Variants in DPY19L2 observed in about 807,000 individuals in gnomAD.
The protein encoded by DPY19L2 is dpy-19 like 2.
In DPY19L2, 34 loss-of-function variants were observed where a neutral mutation model predicts 97.9. The observed-to-expected ratio is 0.35, with a 90% CI of 0.26 to 0.46. The LOEUF (loss-of-function observed/expected upper bound fraction) is 0.46, where lower values mean the gene tolerates loss of function less well. Among genes scored for constraint, DPY19L2 ranks in the 20% least tolerant of loss-of-function variants. The pLI is 1.00. For missense variants in DPY19L2, 623 were observed against 911.4 expected (o/e 0.68, Z 4.07); for synonymous variants, 230 against 307.9 (o/e 0.75, Z 2.65).
intron 6 of DPY19L2, among the ~76,000 whole-genome samples, chr12:63,632,346 T>TC (rs1278413602): frequency 6.6e-6 from 1 of 152,200 alleles, no homozygotes; most frequent in African/African-American, 2.4e-5. Context: ...CTCCTTAAGC[T>TC]GATAGGCAAC....
intron 1 of DPY19L2, 113 bp downstream of exon 1, chr12:63,667,944 C>G (rs1405953231): frequency 7.1e-6 from 9 of 1,271,052 alleles, no homozygotes; most frequent in Non-Finnish European, 8.7e-6. Context: ...TCGGACCTTG[C>G]TATTATTTCC....
chr12:63,604,750 G>A (rs1481787232), intron 12 of DPY19L2, among the ~76,000 whole-genome samples: 1 of 151,966 alleles, frequency 6.6e-6, no homozygotes, highest in African/African-American at 2.4e-5. Context: ...TGCTTCCAGA[G>A]TAATTAAAAC....
At chr12:63,645,259 T>C (rs1334276617) in intron 5 of DPY19L2, among the ~76,000 whole-genome samples, 3 of 152,200 alleles carry the variant, frequency 2.0e-5, no homozygotes, top group African/African-American at 7.2e-5. Flanking sequence ...AGCCAAGGTC[T>C]GAAGGCTGGC....
intron 21 of DPY19L2, among the ~76,000 whole-genome samples, chr12:63,566,323 C>T (rs1877691958): frequency 6.6e-6 from 1 of 152,132 alleles, no homozygotes; most frequent in South Asian, 2.1e-4. Flanking sequence ...CAGTGTCCTC[C>T]ACCATGGTAA....
intron 11 of DPY19L2, among the ~76,000 whole-genome samples, chr12:63,611,494 G>C (rs574208647): frequency 1.3e-5 from 2 of 151,798 alleles, no homozygotes; most frequent in South Asian, 2.1e-4. Flanking sequence ...GACAGAATTA[G>C]CAGGTGGAAG....
At chr12:63,626,150 C>T (rs1889502702) in intron 7 of DPY19L2, among the ~76,000 whole-genome samples, 1 of 151,120 alleles carries the variant, frequency 6.6e-6, no homozygotes, top group Non-Finnish European at 1.5e-5. Context: ...CCACCACCCA[C>T]AAAAAAAGTT....
chr12:63,588,802 G>A (rs550347083), intron 16 of DPY19L2, among the ~76,000 whole-genome samples: 4 of 142,008 alleles, frequency 2.8e-5, no homozygotes, highest in African/African-American at 7.8e-5. Flanking sequence ...CGCCCAGGCT[G>A]GAGTGCGGTG....
intron 16 of DPY19L2, among the ~76,000 whole-genome samples, chr12:63,584,636 A>T (rs1368232181): frequency 6.6e-6 from 1 of 152,114 alleles, no homozygotes; most frequent in East Asian, 1.9e-4. Flanking sequence ...CCGGCCTGTT[A>T]GTCATGTAGT....
intron 6 of DPY19L2, among the ~76,000 whole-genome samples, chr12:63,629,165 T>C (rs1225454320): frequency 6.6e-6 from 1 of 152,006 alleles, no homozygotes; most frequent in East Asian, 1.9e-4. Context: ...GTGCCTCTCC[T>C]CCTCCAAAGG....
intron 15 of DPY19L2, among the ~76,000 whole-genome samples, chr12:63,595,007 C>T (rs144846538): frequency 1.4e-4 from 22 of 152,254 alleles, no homozygotes; most frequent in Non-Finnish European, 2.9e-4. Context: ...TTCCTTTATC[C>T]TGACTCTTCC....
At chr12:63,615,173 T>C (rs1230512375) in intron 11 of DPY19L2, among the ~76,000 whole-genome samples, 1 of 152,162 alleles carries the variant, frequency 6.6e-6, no homozygotes, top group Non-Finnish European at 1.5e-5. Context: ...TAAATCCCTA[T>C]GTTCCTAATG....
intron 16 of DPY19L2, among the ~76,000 whole-genome samples, chr12:63,589,436 A>G (rs1882497974): frequency 6.6e-6 from 1 of 150,452 alleles, no homozygotes; most frequent in Non-Finnish European, 1.5e-5. Flanking sequence ...TATAAGAGAC[A>G]ATCTAAAACA....
Position 63,618,349 on chromosome 12 carries a change from T to C in DPY19L2, c.1054-121A>G, listed in dbSNP as rs567089494. 1.3e-3 allele frequency: 472 copies of C among 364,732 alleles called. 1 individual carries two copies. Among genetic ancestry groups the C allele is most frequent in the Non-Finnish European group, 2.0e-3 (398 of 203,092 alleles). The allele number at this position is 364,732 out of a possible 1,614,324, so 22.6% of individuals were successfully genotyped here. A position where few individuals can be genotyped will look rare whatever the true frequency, so the allele number is the denominator to read the frequency against. ...TCTAATAATGGTAAGCAAAGGAATTTGAACCAACCTTCCCACTAAGAACTA... is the reference window on the plus strand; with the variant it reads ...TCTAATAATGGTAAGCAAAGGAATTCGAACCAACCTTCCCACTAAGAACTA... On this transcript the variant is annotated intron_variant, in intron 9 of 21. Transcript: ENST00000324472.
At position 63,589,357 on chromosome 12, in the gene DPY19L2, C is replaced by CAA. The variant is rs71086687; in HGVS notation, c.1580+4728_1580+4729dup. ...AATGTGGCTAGATAAAAATGTGTTGCAAAAAAAAAAAAAAAAAAAAAAAAA... is the reference window on the plus strand; with the variant it reads ...AATGTGGCTAGATAAAAATGTGTTGCAAAAAAAAAAAAAAAAAAAAAAAAAAA... On this transcript the variant is annotated intron_variant, in intron 16 of 21. Coordinates refer to ENST00000324472, the MANE Select transcript of DPY19L2 (RefSeq NM_173812.5). Among the ~76,000 whole-genome samples the CAA allele has an allele frequency of 4.0e-3, 75 of 18,950 alleles. 9 individuals are homozygous for CAA. The highest frequency in any genetic ancestry group is 6.5e-3 in the East Asian group (1 of 154). 12.4% of individuals were successfully genotyped at this position (18,950 alleles called of 152,430 possible). A position where few individuals can be genotyped will look rare whatever the true frequency, so the allele number is the denominator to read the frequency against.
At chr12:63,593,555 C>T (rs1428974038) in intron 16 of DPY19L2, among the ~76,000 whole-genome samples, 22 of 152,176 alleles carry the variant, frequency 1.4e-4, no homozygotes, top group Middle Eastern at 3.4e-3. Flanking sequence ...AAACCAAACA[C>T]CGCATATTCT....
rs531522077 is a variant in DPY19L2 at position 63,594,185 on chromosome 12, T to C, written c.1534-52A>G. On this transcript the variant is annotated intron_variant, in intron 15 of 21. Transcript: ENST00000324472. Reference sequence around the variant, plus strand: ...CTTTTGTAAGGAATACTGCAATATTTAAAATGCTCTGATTCATTAATATAA... The same window carrying C: ...CTTTTGTAAGGAATACTGCAATATTCAAAATGCTCTGATTCATTAATATAA... The C allele has an allele frequency of 1.1e-5, 14 of 1,278,678 alleles. No individual in the cohort carries two copies. The African/African-American group carries it at 1.5e-4, about 14-fold the overall frequency. The allele number at this position is 1,278,678 out of a possible 1,614,324, so 79.2% of individuals were successfully genotyped here.
intron 16 of DPY19L2, among the ~76,000 whole-genome samples, chr12:63,592,993 A>T (rs1324822744): frequency 6.6e-6 from 1 of 151,526 alleles, no homozygotes; most frequent in Admixed American, 6.6e-5. Flanking sequence ...ATGAACAGAC[A>T]CTTCTCAAAA....
At chr12:63,610,473 A>G (rs1490932371) in intron 11 of DPY19L2, among the ~76,000 whole-genome samples, 3 of 151,968 alleles carry the variant, frequency 2.0e-5, no homozygotes, top group Non-Finnish European at 4.4e-5. Flanking sequence ...AATAGATTAT[A>G]GAGCAACTAT....
chr12:63,647,332 C>T lies in DPY19L2; in HGVS notation c.622G>A (p.Gly208Arg). The T allele has an allele frequency of 6.3e-7, 1 of 1,589,944 alleles. No individual in the cohort carries two copies. Among genetic ancestry groups the T allele is most frequent in the Non-Finnish European group, 8.6e-7 (1 of 1,167,340 alleles). ...TCTAGTCCAAATAAATTCATTATTCCCATGAATGTGCAATACCAGGAGGCT... is the reference window on the plus strand; with the variant it reads ...TCTAGTCCAAATAAATTCATTATTCTCATGAATGTGCAATACCAGGAGGCT... ...IIASWYCTFM[G>R]IMNLFGLETK... The change falls in exon 5 of 22, where the codon GGA becomes AGA. Residue 208 changes from glycine to arginine, a missense_variant. Transcript: ENST00000324472.
Sources: allele counts gnomAD v4.1 joint callset (sites outside exome capture counted in the v4.1 genomes callset), GRCh38; gene constraint gnomAD v4.1.1; transcripts MANE v1.5; gene names NCBI Gene and HGNC (gene_info 2026-07-23, HGNC 2026-07-21).